The following HIVEP3 variants were observed in gnomAD, a reference collection of about 807,000 sequenced individuals.
HIVEP3 encodes the protein transcription factor HIVEP3.
Under a neutral mutation model 152.8 loss-of-function variants are expected in HIVEP3, and 49 were observed. That is an observed-to-expected ratio of 0.32 (90% CI 0.26 to 0.41). The LOEUF is 0.41. Among genes scored for constraint, HIVEP3 ranks in the 10% least tolerant of loss-of-function variants. The pLI, the probability that HIVEP3 is intolerant of heterozygous loss-of-function variation, is 1.00. For missense variants in HIVEP3, 2,790 were observed against 3,103.3 expected (o/e 0.90, Z 2.40); for synonymous variants, 1,269 against 1,289.0 (o/e 0.98, Z 0.33).
intron 1 of HIVEP3, among the ~76,000 whole-genome samples, chr1:41,715,231 C>G (rs1314289363): frequency 6.6e-6 from 1 of 152,170 alleles, no homozygotes; most frequent in African/African-American, 2.4e-5. Flanking sequence ...CTGGGGACCA[C>G]CAGGGAAAAC....
At position 41,581,779 on chromosome 1, in the gene HIVEP3, C is replaced by T. The variant is rs369592482; in HGVS notation, c.3019G>A (p.Glu1007Lys). The T allele has an allele frequency of 2.4e-4, 385 of 1,590,168 alleles. No homozygotes were observed. Among genetic ancestry groups the T allele is most frequent in the Non-Finnish European group, 2.8e-4 (324 of 1,168,058 alleles). The change falls in exon 4 of 9, where the codon GAG becomes AAG. Residue 1007 changes from glutamate (E) to lysine (K), a missense_variant. Physicochemically the swap from Glu to Lys is moderately conservative, Grantham distance 56. Coordinates refer to ENST00000372583, the MANE Select transcript of HIVEP3 (RefSeq NM_024503.5). This position sits in a 1 kb window ranked among gnomAD's most constrained non-coding sequence, Gnocchi z 4.5. ...PNVSHSAHMT[E>K]TRSKSFDYGS... The stretch of plus-strand genomic sequence containing the variant: ...TAGTCAAAGGATTTGCTGCGTGTCT[C>T]GGTCATGTGGGCAGAATGGGAAACG...
intron 2 of HIVEP3, among the ~76,000 whole-genome samples, chr1:41,658,530 G>C (rs2124038595): frequency 6.6e-6 from 1 of 152,282 alleles, no homozygotes; most frequent in East Asian, 1.9e-4. Flanking sequence ...CAGTTACCAA[G>C]TGCCTGCTAC....
At chr1:41,630,579 C>T (rs1213838773) in intron 2 of HIVEP3, among the ~76,000 whole-genome samples, 3 of 152,208 alleles carry the variant, frequency 2.0e-5, no homozygotes, top group African/African-American at 7.2e-5. Context: ...CAGGAGCTGA[C>T]AGCAACCCCG....
Position 41,834,325 on chromosome 1 carries a change from T to C in HIVEP3, c.-801+84088A>G, listed in dbSNP as rs559082852. Among the ~76,000 whole-genome samples, 10 of 152,258 alleles carry C rather than the reference T, an allele frequency of 6.6e-5. No individual in the cohort carries two copies. The South Asian group carries it at 2.1e-3, about 32-fold the overall frequency. ...CTCTCTCAGGGGAAGGGGGAATATG[T>C]CCATGCCCTCCCCAAGAGGACCTTG... On this transcript the variant is annotated intron_variant, in intron 1 of 8. Coordinates refer to ENST00000372583, the MANE Select transcript of HIVEP3 (RefSeq NM_024503.5).
chr1:41,522,749 T>G (rs1387651355), intron 6 of HIVEP3, among the ~76,000 whole-genome samples: 2 of 152,236 alleles, frequency 1.3e-5, no homozygotes, highest in African/African-American at 4.8e-5. Flanking sequence ...GCAAAGGGAA[T>G]TGAGTGGGCC....
chr1:41,511,343 AG>A lies in HIVEP3; in HGVS notation c.6406-78del. On this transcript the variant is annotated intron_variant, in intron 8 of 8. Coordinates refer to ENST00000372583, the MANE Select transcript of HIVEP3 (RefSeq NM_024503.5). The surrounding 1 kb of genome is among the most constrained non-coding windows in gnomAD (Gnocchi z 4.9). ...TGGGGAGCCGAGGCCTGGAAGTGGG[AG>A]GGGGACTCGCCCAAGATCACAGAGC... The A allele has an allele frequency of 7.7e-7, 1 of 1,293,544 alleles. No individual in the cohort carries two copies. Among genetic ancestry groups the A allele is most frequent in the Non-Finnish European group, 1.0e-6 (1 of 953,486 alleles). 80.1% of individuals were successfully genotyped at this position (1,293,544 alleles called of 1,614,324 possible).
At chr1:41,674,602 G>A (rs1645926072) in intron 2 of HIVEP3, among the ~76,000 whole-genome samples, 1 of 152,188 alleles carries the variant, frequency 6.6e-6, no homozygotes, top group South Asian at 2.1e-4. Context: ...CAGTAGATCT[G>A]CCCGTCGATG....
At chr1:41,848,060 G>T (rs907195111) in intron 1 of HIVEP3, 1 of 152,162 alleles carries the variant, frequency 6.6e-6, no homozygotes, top group Non-Finnish European at 1.5e-5. Flanking sequence ...GTTTAATCCA[G>T]AACTCAGAGG....
chr1:41,844,897 T>C (rs1172759947), intron 1 of HIVEP3, among the ~76,000 whole-genome samples: 1 of 152,212 alleles, frequency 6.6e-6, no homozygotes, highest in Non-Finnish European at 1.5e-5. Flanking sequence ...CTTTGGGTCC[T>C]GAGGGAGGCC....
At chr1:41,979,078 G>A (rs1164543417) in intron 1 of HIVEP3, among the ~76,000 whole-genome samples, 6 of 152,134 alleles carry the variant, frequency 3.9e-5, no homozygotes, top group African/African-American at 1.4e-4. Flanking sequence ...ACCTGCACCA[G>A]CAACATCAGC....
chr1:41,649,932 A>T (rs1645520879), intron 2 of HIVEP3, among the ~76,000 whole-genome samples: 1 of 152,208 alleles, frequency 6.6e-6, no homozygotes, highest in Non-Finnish European at 1.5e-5. Flanking sequence ...GGAATTCATC[A>T]GGGCCAGGTG....
chr1:41,695,699 G>A (rs897608861), intron 2 of HIVEP3, among the ~76,000 whole-genome samples: 3 of 152,238 alleles, frequency 2.0e-5, no homozygotes, highest in African/African-American at 7.2e-5. Flanking sequence ...CCTGTGGGCA[G>A]AGAGAAATGC....
chr1:41,896,787 G>A (rs1644535858), intron 1 of HIVEP3, among the ~76,000 whole-genome samples: 1 of 152,026 alleles, frequency 6.6e-6, no homozygotes. Flanking sequence ...TGGTAGCCAG[G>A]ATAGTCTCAA....
intron 1 of HIVEP3, among the ~76,000 whole-genome samples, chr1:41,756,031 T>A (rs1425996042): frequency 6.6e-6 from 1 of 152,254 alleles, no homozygotes; most frequent in Non-Finnish European, 1.5e-5. Flanking sequence ...TGTACTTGAA[T>A]GCTCACAGCA....
intron 1 of HIVEP3, among the ~76,000 whole-genome samples, chr1:41,986,987 T>C (rs1645327612): frequency 6.6e-6 from 1 of 152,234 alleles, no homozygotes. Flanking sequence ...GACAAATATC[T>C]GTATACTGTA....
intron 1 of HIVEP3, among the ~76,000 whole-genome samples, chr1:41,767,459 G>GGCT (rs1648085540): frequency 6.6e-6 from 1 of 152,158 alleles, no homozygotes; most frequent in East Asian, 1.9e-4. Flanking sequence ...GAGCAGCTGA[G>GGCT]GCTTCCCAGA....
At chr1:41,743,763 T>C (rs1245059118) in intron 1 of HIVEP3, among the ~76,000 whole-genome samples, 1 of 152,188 alleles carries the variant, frequency 6.6e-6, no homozygotes, top group Admixed American at 6.5e-5. Context: ...ATAGGGGACT[T>C]GGTCCCTAGC....
At chr1:41,834,203 G>A (rs760569002) in intron 1 of HIVEP3, among the ~76,000 whole-genome samples, 111 of 152,134 alleles carry the variant, frequency 7.3e-4, no homozygotes, top group Admixed American at 6.5e-4. Context: ...GGGACAGGAG[G>A]GGTGATGGCC....
intron 1 of HIVEP3, among the ~76,000 whole-genome samples, chr1:42,030,508 T>C (rs1266503999): frequency 6.6e-6 from 1 of 152,224 alleles, no homozygotes; most frequent in Non-Finnish European, 1.5e-5. Flanking sequence ...AGACTTCTTC[T>C]CTACCAAGGA....
Sources: allele counts gnomAD v4.1 joint callset (sites outside exome capture counted in the v4.1 genomes callset), GRCh38; gene constraint gnomAD v4.1.1; non-coding constraint Gnocchi (gnomAD v3.1); transcripts MANE v1.5; gene names NCBI Gene and HGNC (gene_info 2026-07-23, HGNC 2026-07-21).